The following SLC38A6 variants were observed in gnomAD, a reference collection of about 807,000 sequenced individuals.
SLC38A6 encodes the protein N system amino acid transporter NAT-1.
In SLC38A6, 73 loss-of-function variants were observed where a neutral mutation model predicts 65.0. The observed-to-expected ratio is 1.12, with a 90% confidence interval of 0.93 to 1.37. The LOEUF (loss-of-function observed/expected upper bound fraction) is 1.37, where lower values mean the gene tolerates loss of function less well. Ranked by LOEUF, SLC38A6 falls within the 40% of genes most tolerant of loss-of-function variation. The pLI is 0.00. For missense variants in SLC38A6, 561 were observed against 531.1 expected, an observed-to-expected ratio of 1.06 and a Z score of -0.55; for synonymous variants, 183 against 178.8, an observed-to-expected ratio of 1.02 and a Z score of -0.19.
At chr14:61,016,101 G>T (rs968518870) in intron 4 of SLC38A6, 145 bp downstream of exon 4, 38 of 530,014 alleles carry the variant, frequency 7.2e-5, no homozygotes, top group Non-Finnish European at 1.1e-4. Context: ...AATGATAGGA[G>T]CAGGCAAAGA....
chr14:61,034,663 A>G (rs1250212549), intron 6 of SLC38A6, among the ~76,000 whole-genome samples: 1 of 152,178 alleles, frequency 6.6e-6, no homozygotes, highest in Non-Finnish European at 1.5e-5. Flanking sequence ...CTTACTCAAG[A>G]GTGACTAGAA....
intron 2 of SLC38A6, among the ~76,000 whole-genome samples, chr14:60,983,128 A>G (rs1420170032): frequency 6.6e-6 from 1 of 152,212 alleles, no homozygotes; most frequent in Non-Finnish European, 1.5e-5. Flanking sequence ...TGCCCAAAAT[A>G]GAAGACAATC....
chr14:61,010,049 T>A (rs575154853), intron 3 of SLC38A6, among the ~76,000 whole-genome samples: 3 of 152,180 alleles, frequency 2.0e-5, no homozygotes, highest in Non-Finnish European at 4.4e-5. Context: ...ACCTGTTGTT[T>A]CCTAACTTTT....
At chr14:61,003,632 C>G (rs975327565) in intron 3 of SLC38A6, among the ~76,000 whole-genome samples, 3 of 151,958 alleles carry the variant, frequency 2.0e-5, no homozygotes, top group African/African-American at 7.3e-5. Context: ...AAAGTATTTC[C>G]CTAGTGTTGA....
intron 3 of SLC38A6, among the ~76,000 whole-genome samples, chr14:60,998,236 A>G (rs1345762268): frequency 6.6e-6 from 1 of 151,978 alleles, no homozygotes; most frequent in Non-Finnish European, 1.5e-5. Context: ...CTAATTGGGA[A>G]CAGGCATTTC....
At chr14:61,064,199 C>T (rs564952233) in intron 15 of SLC38A6, among the ~76,000 whole-genome samples, 1 of 152,322 alleles carries the variant, frequency 6.6e-6, no homozygotes, top group South Asian at 2.1e-4. Context: ...CACAGCCAGA[C>T]ATGGCCTCCC....
chr14:61,055,106 C>CTTTTTTTTTTTTTTTTTTTTTTT (rs1280245361), downstream of SLC38A6, among the ~76,000 whole-genome samples: 2 of 63,282 alleles, frequency 3.2e-5, no homozygotes, highest in Non-Finnish European at 5.9e-5. Context: ...AAGTCTTTTT[C>CTTTTTTTTTTTTTTTTTTTTTTT]TTTTTTTTTT....
intron 5 of SLC38A6, among the ~76,000 whole-genome samples, chr14:61,024,204 G>C (rs1463437681): frequency 6.6e-6 from 1 of 152,052 alleles, no homozygotes; most frequent in East Asian, 1.9e-4. Context: ...AAAATCTACT[G>C]TCTGTAAATC....
chr14:61,005,987 T>G (rs1224902985), intron 3 of SLC38A6, among the ~76,000 whole-genome samples: 1 of 151,906 alleles, frequency 6.6e-6, no homozygotes, highest in Non-Finnish European at 1.5e-5. Flanking sequence ...GAGATATAGA[T>G]CAATGGAACA....
rs1221184881 is a variant in SLC38A6, at chr14:60,987,193, T to TA, written c.310+2391dup. ...CCTTTTTTTTTTTTTTTTCAATACA[T>TA]ACATTCATATATAAAGACTAGAGTA... is the stretch of plus-strand genomic sequence containing the variant. On this transcript the variant is annotated intron_variant, in intron 3 of 15. Coordinates refer to ENST00000267488, the MANE Select transcript of SLC38A6 (RefSeq NM_153811.3). 8 of 259,922 alleles carry TA rather than the reference T, an allele frequency of 3.1e-5. No individual in the cohort carries two copies. In the East Asian group the frequency reaches 1.0e-3, roughly 32 times the overall value. 16.1% of individuals were successfully genotyped at this position (259,922 alleles called of 1,614,324 possible).
chr14:61,023,147 T>TA (rs1215241268), intron 5 of SLC38A6, among the ~76,000 whole-genome samples: 1 of 152,196 alleles, frequency 6.6e-6, no homozygotes. Context: ...CAATTGAATA[T>TA]ACTATGTAAG....
intron 8 of SLC38A6, among the ~76,000 whole-genome samples, chr14:61,041,250 G>A (rs1282701425): frequency 6.6e-6 from 1 of 151,998 alleles, no homozygotes; most frequent in African/African-American, 2.4e-5. Context: ...GTTGGGTCTC[G>A]TTTCACTCCC....
At chr14:61,079,244 C>G (rs1265688845) in intron 16 of SLC38A6, among the ~76,000 whole-genome samples, 2 of 146,274 alleles carry the variant, frequency 1.4e-5, no homozygotes, top group African/African-American at 5.1e-5. Flanking sequence ...TCAAGCGATT[C>G]TCCTGCCTCC....
intron 6 of SLC38A6, 108 bp from the exon 7 acceptor site, chr14:61,036,951 G>A (rs1038585802): frequency 1.7e-6 from 1 of 592,458 alleles, no homozygotes; most frequent in East Asian, 3.2e-5. Flanking sequence ...GGTTGTAATG[G>A]TTATAACTCT....
At position 61,083,528 on chromosome 14, in the gene SLC38A6, A is replaced by G. The variant is rs565063883; in HGVS notation, c.1409-27A>G. 32 of 1,545,666 alleles carry G rather than the reference A, an allele frequency of 2.1e-5. No homozygotes were observed. In the South Asian group the frequency reaches 3.3e-4, roughly 16 times the overall value. Reference sequence around the variant, plus strand: ...AATGAGGCCATTAAGCCCTAATTCAATGTGACTGGTGTTCTTGTAAGAAAA... The same window carrying G: ...AATGAGGCCATTAAGCCCTAATTCAGTGTGACTGGTGTTCTTGTAAGAAAA... On this transcript the variant is annotated intron_variant, in intron 16 of 16. Transcript: ENST00000354886.
Position 61,045,335 on chromosome 14 carries a change from AT to A in SLC38A6, c.745-4del. On this transcript the variant is annotated splice_polypyrimidine_tract_variant and intron_variant, in intron 10 of 15. Transcript: ENST00000267488. Reference sequence around the variant, plus strand: ...CATTTAATAATTTTGTCTCTTTAAAATTTTTTTCAGAGTGCTTATGCCTTAC... The same window carrying A: ...CATTTAATAATTTTGTCTCTTTAAAATTTTTTCAGAGTGCTTATGCCTTAC... 3.1e-6 allele frequency: 5 copies of A among 1,602,782 alleles called. No homozygotes were observed. The highest frequency in any genetic ancestry group is 2.2e-5 in the South Asian group (2 of 89,692).
chr14:61,033,483 G>A (rs1214603913), intron 6 of SLC38A6, among the ~76,000 whole-genome samples: 1 of 152,024 alleles, frequency 6.6e-6, no homozygotes, highest in East Asian at 1.9e-4. Flanking sequence ...AGGAAAACAG[G>A]AGTTCTGTTA....
intron 4 of SLC38A6, among the ~76,000 whole-genome samples, chr14:61,016,805 T>A (rs1288217151): frequency 1.3e-5 from 2 of 152,200 alleles, no homozygotes; most frequent in Admixed American, 1.3e-4. Flanking sequence ...TGTATATATT[T>A]ATTATGGACA....
chr14:61,055,106 C>CTTTTT (rs1280245361), downstream of SLC38A6, among the ~76,000 whole-genome samples: 223 of 63,234 alleles, frequency 3.5e-3, 2 homozygotes, highest in Middle Eastern at 0.016. Context: ...AAGTCTTTTT[C>CTTTTT]TTTTTTTTTT....
Sources: gnomAD v4.1 joint callset for allele counts (sites outside exome capture counted in the v4.1 genomes callset) on GRCh38, gnomAD v4.1.1 for gene constraint, MANE v1.5 for transcripts, NCBI Gene and HGNC (gene_info 2026-07-23, HGNC 2026-07-21) for gene names.